Variants in FAM53A observed in about 807,000 individuals in gnomAD.
The protein encoded by FAM53A is family with sequence similarity 53 member A, also known as protein FAM53A.
A neutral mutation model predicts 26.6 loss-of-function variants in FAM53A; 28 were observed. That is an observed-to-expected ratio of 1.05 (90% CI 0.78 to 1.45). The LOEUF (loss-of-function observed/expected upper bound fraction) is 1.45, where lower values mean the gene tolerates loss of function less well. Ranked by LOEUF, FAM53A falls within the 40% of genes most tolerant of loss-of-function variation. The pLI, the probability that FAM53A is intolerant of heterozygous loss-of-function variation, is 0.00. For missense variants in FAM53A, 650 were observed against 575.8 expected (o/e 1.13, Z -1.32); for synonymous variants, 290 against 253.1 (o/e 1.15, Z -1.38).
At chr4:1,669,381 G>C (rs1357358486) in intron 1 of FAM53A, among the ~76,000 whole-genome samples, 2 of 152,218 alleles carry the variant, frequency 1.3e-5, no homozygotes, top group Non-Finnish European at 2.9e-5. Context: ...AGCCTGCCAG[G>C]GTCTGCACCT....
the FAM53A span, among the ~76,000 whole-genome samples, chr4:1,576,861 C>T: frequency 1.4e-4 from 22 of 152,296 alleles, 1 homozygote; most frequent in Admixed American, 1.4e-3. Flanking sequence ...TCACTTCCCA[C>T]TCTGTAAAAT....
chr4:1,624,384 G>C (rs1473028243), intron 1 of FAM53A, among the ~76,000 whole-genome samples: 1 of 152,218 alleles, frequency 6.6e-6, no homozygotes, highest in Non-Finnish European at 1.5e-5. Flanking sequence ...CTCTGAGGGG[G>C]ACTGGTGCTT....
intron 4 of FAM53A, among the ~76,000 whole-genome samples, chr4:1,642,005 C>G (rs531552115): frequency 1.3e-5 from 2 of 152,254 alleles, no homozygotes; most frequent in Admixed American, 6.5e-5. Context: ...AGAGAGGGTG[C>G]CTTGTGCCTC....
the FAM53A span, among the ~76,000 whole-genome samples, chr4:1,612,489 ACACACATGCTCACACACAC>A: frequency 1.3e-5 from 2 of 152,178 alleles, no homozygotes; most frequent in Non-Finnish European, 2.9e-5. Context: ...GCGCGCACAC[ACACACATGCTCACACACAC>A]CACACATGCA....
chr4:1,578,016 G>C, the FAM53A span, among the ~76,000 whole-genome samples: 17 of 152,152 alleles, frequency 1.1e-4, no homozygotes, highest in Non-Finnish European at 2.9e-5. Flanking sequence ...TGCCCTTGCA[G>C]GCCGGGGTGA....
chr4:1,588,651 C>A, the FAM53A span, among the ~76,000 whole-genome samples: 1 of 152,232 alleles, frequency 6.6e-6, no homozygotes, highest in Non-Finnish European at 1.5e-5. Context: ...CCCAGGCAAG[C>A]CTTCAGGTGA....
chr4:1,585,246 T>C, the FAM53A span, among the ~76,000 whole-genome samples: 27 of 151,166 alleles, frequency 1.8e-4, no homozygotes, highest in African/African-American at 6.3e-4. Context: ...ACCTTTTGAC[T>C]AATAATGTCT....
chr4:1,603,492 G>A, the FAM53A span, among the ~76,000 whole-genome samples: 1 of 152,198 alleles, frequency 6.6e-6, no homozygotes, highest in African/African-American at 2.4e-5. Context: ...CAGTGGGTAG[G>A]AATGGCCTGG....
chr4:1,672,529 A>G (rs2109024596), intron 1 of FAM53A, among the ~76,000 whole-genome samples: 1 of 152,318 alleles, frequency 6.6e-6, no homozygotes, highest in South Asian at 2.1e-4. Flanking sequence ...CAATGTCCCA[A>G]CACAACAGTC....
intron 2 of FAM53A, among the ~76,000 whole-genome samples, chr4:1,663,496 T>C (rs138216799): frequency 3.9e-4 from 60 of 152,112 alleles, no homozygotes; most frequent in African/African-American, 1.4e-3. Flanking sequence ...GATGAGCAAA[T>C]GGTGGTCTCT....
chr4:1,684,087 G>C (rs1203401865), intron 1 of FAM53A, 146 bp downstream of exon 1: 1 of 152,074 alleles, frequency 6.6e-6, no homozygotes, highest in Non-Finnish European at 1.5e-5. Flanking sequence ...TAGTCCACGC[G>C]CCCAGCTCGG....
chr4:1,600,184 G>C, the FAM53A span, among the ~76,000 whole-genome samples: 182 of 152,306 alleles, frequency 1.2e-3, 2 homozygotes, highest in Middle Eastern at 3.4e-3. Context: ...GTTTTAGTGT[G>C]AGGTGAGCTG....
At chr4:1,650,685 G>A (rs921033815) in intron 4 of FAM53A, among the ~76,000 whole-genome samples, 5 of 151,494 alleles carry the variant, frequency 3.3e-5, no homozygotes, top group Admixed American at 6.6e-5. Flanking sequence ...TAGTAGAGGC[G>A]GGGTTTCACC....
the FAM53A span, among the ~76,000 whole-genome samples, chr4:1,590,277 T>C: frequency 6.6e-6 from 1 of 152,232 alleles, no homozygotes; most frequent in Non-Finnish European, 1.5e-5. Flanking sequence ...CATTTTCTTT[T>C]GTGGCTGAAA....
intron 1 of FAM53A, among the ~76,000 whole-genome samples, chr4:1,677,523 G>T (rs1474706474): frequency 1.3e-5 from 2 of 152,154 alleles, no homozygotes; most frequent in African/African-American, 4.8e-5. Context: ...TTTTCATGGG[G>T]GGTTTTAAAT....
the FAM53A span, among the ~76,000 whole-genome samples, chr4:1,574,822 C>T: frequency 6.6e-6 from 1 of 152,218 alleles, no homozygotes; most frequent in Non-Finnish European, 1.5e-5. Context: ...GGCAGGAGGG[C>T]CCACGCCCTG....
chr4:1,646,858 G>A (rs1577110037), intron 4 of FAM53A, among the ~76,000 whole-genome samples: 1 of 152,176 alleles, frequency 6.6e-6, no homozygotes. Flanking sequence ...CTCTCCAGAG[G>A]CAGCTGAGCG....
chr4:1,676,960 A>G (rs1715087815), intron 1 of FAM53A, among the ~76,000 whole-genome samples: 5 of 152,130 alleles, frequency 3.3e-5, no homozygotes, highest in Admixed American at 3.3e-4. Flanking sequence ...TCCCCAGCAG[A>G]TTTATAAACC....
intron 3 of FAM53A, among the ~76,000 whole-genome samples, chr4:1,656,901 G>A (rs930919101): frequency 6.6e-6 from 1 of 152,248 alleles, no homozygotes; most frequent in Admixed American, 6.5e-5. Flanking sequence ...GGACCCCAGG[G>A]TTACCTGGCC....
Sources: gnomAD v4.1 joint callset for allele counts (sites outside exome capture counted in the v4.1 genomes callset) on GRCh38, gnomAD v4.1.1 for gene constraint, MANE v1.5 for transcripts, NCBI Gene and HGNC (gene_info 2026-07-23, HGNC 2026-07-21) for gene names.